The following C5orf58 variants were observed in gnomAD, a reference collection of about 807,000 sequenced individuals.
C5orf58 encodes chromosome 5 open reading frame 58.
Under a neutral mutation model 2.9 loss-of-function variants are expected in C5orf58, and 2 were observed. That is an observed-to-expected ratio of 0.69 (90% CI 0.28 to 2.18). The LOEUF (loss-of-function observed/expected upper bound fraction) is 2.18, where lower values mean the gene tolerates loss of function less well. C5orf58 is among the 30% of genes most tolerant of loss of function. C5orf58 has a pLI of 0.13. For missense variants in C5orf58, 96 were observed against 91.7 expected, an observed-to-expected ratio of 1.05 and a Z score of -0.19; for synonymous variants, 37 against 33.4, an observed-to-expected ratio of 1.11 and a Z score of -0.37.
intron 3 of C5orf58, chr5:170,237,328 T>A (rs1411471280): frequency 1.5e-5 from 6 of 398,282 alleles, no homozygotes; most frequent in Non-Finnish European, 2.2e-5. Context: ...TTCTAAGAGC[T>A]CTGCATAAAT....
At chr5:170,245,277 T>C (rs1358868230) in intron 3 of C5orf58, among the ~76,000 whole-genome samples, 1 of 152,228 alleles carries the variant, frequency 6.6e-6, no homozygotes, top group African/African-American at 2.4e-5. Context: ...CAGGCAGGCC[T>C]CTTTGAGCTG....
At chr5:170,245,412 A>G (rs1761224202) in intron 3 of C5orf58, among the ~76,000 whole-genome samples, 1 of 152,122 alleles carries the variant, frequency 6.6e-6, no homozygotes, top group South Asian at 2.1e-4. Flanking sequence ...CTGCTGTGCT[A>G]GCAATCAGCG....
intron 3 of C5orf58, among the ~76,000 whole-genome samples, chr5:170,240,726 G>T (rs1425895791): frequency 6.7e-6 from 1 of 149,418 alleles, no homozygotes. Flanking sequence ...TTTGTAGGTT[G>T]CCTGTTCACT....
At chr5:170,237,588 C>G (rs1383741909) in intron 3 of C5orf58, among the ~76,000 whole-genome samples, 1 of 152,108 alleles carries the variant, frequency 6.6e-6, no homozygotes, top group African/African-American at 2.4e-5. Context: ...AAATCTGAAC[C>G]CTAAGCTGGC....
At chr5:170,244,274 G>A (rs1462597577) in intron 3 of C5orf58, among the ~76,000 whole-genome samples, 17 of 141,096 alleles carry the variant, frequency 1.2e-4, no homozygotes, top group East Asian at 4.4e-4. Flanking sequence ...TGCTCTTCTC[G>A]AGGAGTATCT....
At position 170,245,429 on chromosome 5, in the gene C5orf58, C is replaced by T. The variant is rs565106804; in HGVS notation, c.95-533C>T. ...GCTGTGCTAGCAATCAGCGAGACTCCGTGGGCGTAGGACCTTCCAAGCCAG... is the reference window on the plus strand; with the variant it reads ...GCTGTGCTAGCAATCAGCGAGACTCTGTGGGCGTAGGACCTTCCAAGCCAG... On this transcript the variant is annotated intron_variant, in intron 3 of 3. Coordinates refer to ENST00000593851, the MANE Select transcript of C5orf58 (RefSeq NM_001102609.3). Among the ~76,000 whole-genome samples the T allele has an allele frequency of 1.3e-3, 204 of 152,292 alleles. 1 individual carries two copies. The highest frequency in any genetic ancestry group is 3.5e-3 in the African/African-American group (146 of 41,556).
chr5:170,235,927 G>T lies in C5orf58; in HGVS notation c.94+857G>T, dbSNP rs150990372. Among the ~76,000 whole-genome samples the T allele has an allele frequency of 1.4e-3, 213 of 152,264 alleles. 2 individuals carry two copies. Among genetic ancestry groups the T allele is most frequent in the African/African-American group, 4.8e-3 (198 of 41,562 alleles). ...ATTCAGAGGTTTAAAGATTTTGTCA[G>T]GGACCAGGCTCTTTCCATCTTTCTG... is the stretch of plus-strand genomic sequence containing the variant. On this transcript the variant is annotated intron_variant, in intron 3 of 3. Coordinates refer to ENST00000593851, the MANE Select transcript of C5orf58 (RefSeq NM_001102609.3).
chr5:170,240,890 A>G (rs1383894405), intron 3 of C5orf58, among the ~76,000 whole-genome samples: 3 of 151,940 alleles, frequency 2.0e-5, no homozygotes, highest in Non-Finnish European at 4.4e-5. Flanking sequence ...GTTTTCTTCT[A>G]GGGTTTTTAT....
chr5:170,233,095 T>G (rs1760577467), intron 1 of C5orf58, 88 bp downstream of exon 1: 1 of 499,464 alleles, frequency 2.0e-6, no homozygotes, highest in Non-Finnish European at 2.6e-6. Flanking sequence ...TGCCCGAGGC[T>G]CCACCTTCCA....
At chr5:170,233,073 A>C (rs1459499186) in intron 1 of C5orf58, 66 bp downstream of exon 1, 1 of 749,446 alleles carries the variant, frequency 1.3e-6, no homozygotes, top group Non-Finnish European at 1.6e-6. Flanking sequence ...AAGACCGCTG[A>C]AATTTCCAGG....
chr5:170,236,714 T>A (rs1356327515), intron 3 of C5orf58, among the ~76,000 whole-genome samples: 1 of 152,228 alleles, frequency 6.6e-6, no homozygotes, highest in Non-Finnish European at 1.5e-5. Context: ...CTTTTCTGTA[T>A]CTGTTTCAAC....
chr5:170,237,962 C>G (rs891135093), intron 3 of C5orf58, among the ~76,000 whole-genome samples: 1 of 152,172 alleles, frequency 6.6e-6, no homozygotes, highest in Non-Finnish European at 1.5e-5. Context: ...GTAGATTTTT[C>G]TCTCAGGAAT....
At chr5:170,240,228 G>T (rs1409618510) in intron 3 of C5orf58, among the ~76,000 whole-genome samples, 2 of 151,082 alleles carry the variant, frequency 1.3e-5, no homozygotes, top group East Asian at 3.9e-4. Flanking sequence ...TAATGCCGCA[G>T]TAAACATACG....
At chr5:170,236,056 G>A (rs1032604564) in intron 3 of C5orf58, among the ~76,000 whole-genome samples, 3 of 152,010 alleles carry the variant, frequency 2.0e-5, no homozygotes, top group African/African-American at 2.4e-5. Context: ...GATCCCTCCA[G>A]CACAGTTCCC....
chr5:170,245,739 C>G (rs1311047583), intron 3 of C5orf58, among the ~76,000 whole-genome samples: 1 of 152,222 alleles, frequency 6.6e-6, no homozygotes, highest in African/African-American at 2.4e-5. Flanking sequence ...TCTTCTGCGT[C>G]GCTCACGCTG....
intron 2 of C5orf58, among the ~76,000 whole-genome samples, chr5:170,234,709 T>A (rs1760668242): frequency 1.3e-5 from 2 of 152,240 alleles, no homozygotes; most frequent in African/African-American, 4.8e-5. Context: ...AGGGGACATC[T>A]TCATTTCCAT....
chr5:170,245,786 T>C (rs888390242), intron 3 of C5orf58, among the ~76,000 whole-genome samples, 176 bp from the exon 4 acceptor site: 1 of 152,256 alleles, frequency 6.6e-6, no homozygotes, highest in Non-Finnish European at 1.5e-5. Context: ...TTCAGCCATC[T>C]TGGCTCCTCG....
chr5:170,241,051 G>T (rs1344836425), intron 3 of C5orf58, among the ~76,000 whole-genome samples: 1 of 145,818 alleles, frequency 6.9e-6, no homozygotes, highest in Non-Finnish European at 1.5e-5. Flanking sequence ...CCCATTGCTT[G>T]TTTTTCTCAG....
chr5:170,234,655 C>T (rs903307224), intron 2 of C5orf58, among the ~76,000 whole-genome samples: 2 of 152,092 alleles, frequency 1.3e-5, no homozygotes, highest in Admixed American at 6.5e-5. Flanking sequence ...TTAACACAAA[C>T]GCTAAATTGT....
Sources: allele counts gnomAD v4.1 joint callset (sites outside exome capture counted in the v4.1 genomes callset), GRCh38; gene constraint gnomAD v4.1.1; transcripts MANE v1.5; gene names NCBI Gene and HGNC (gene_info 2026-07-23, HGNC 2026-07-21).